The following PSD3 variants were observed in gnomAD, a reference collection of about 807,000 sequenced individuals.
The protein encoded by PSD3 is pleckstrin and Sec7 domain containing 3.
Under a neutral mutation model 105.5 loss-of-function variants are expected in PSD3, and 49 were observed. The observed-to-expected ratio is 0.46, with a 90% CI of 0.37 to 0.59. The LOEUF (loss-of-function observed/expected upper bound fraction) is 0.59. Among genes scored for constraint, PSD3 ranks in the 20% least tolerant of loss-of-function variants. The probability of loss-of-function intolerance (pLI) is 0.00; values close to 1 mark genes in which losing one functional copy is unlikely to be tolerated. For missense variants in PSD3, 1,561 were observed against 1,263.8 expected, an observed-to-expected ratio of 1.24 and a Z score of -3.57; for synonymous variants, 557 against 457.8, an observed-to-expected ratio of 1.22 and a Z score of -2.77.
At position 18,804,853 on chromosome 8, in the gene PSD3, C is replaced by G. The variant is rs1811060101; in HGVS notation, c.1680G>C (p.Met560Ile). The G allele has an allele frequency of 6.2e-7, 1 of 1,613,072 alleles. No homozygotes were observed. The highest frequency in any genetic ancestry group is 8.5e-7 in the Non-Finnish European group (1 of 1,179,176). Residue 560 changes from methionine (M) to isoleucine (I), a missense_variant, in exon 5 of 16, where the codon ATG becomes ATC. By Grantham distance (10) the Met-to-Ile change is conservative. Transcript: ENST00000327040. ...CCTTTTCCAAAATTTCAGTGCTCCC[C>G]ATTTCAGAATGAGCTTCTAGCCGTG... ...KTTRLEAHSE[M>I]GSTEILEKET... is the part of the protein sequence containing the mutation.
chr8:18,555,232 A>G (rs17517680), intron 15 of PSD3, among the ~76,000 whole-genome samples: 20,372 of 152,078 alleles, frequency 0.13, 1,484 homozygotes, highest in South Asian at 0.28. Context: ...ATAAAGCAAT[A>G]CAAGGAAGGG....
At chr8:18,592,482 G>C (rs1347636357) in intron 12 of PSD3, among the ~76,000 whole-genome samples, 5 of 152,146 alleles carry the variant, frequency 3.3e-5, no homozygotes, top group African/African-American at 4.8e-5. Flanking sequence ...TCTGAGGAAG[G>C]AAACAGACAT....
At chr8:18,797,531 G>A (rs1810296335) in intron 8 of PSD3, among the ~76,000 whole-genome samples, 1 of 152,164 alleles carries the variant, frequency 6.6e-6, no homozygotes, top group Non-Finnish European at 1.5e-5. Context: ...TGTAGCTACT[G>A]AAACCTGGGT....
intron 8 of PSD3, among the ~76,000 whole-genome samples, chr8:18,779,398 A>C (rs2129445122): frequency 6.6e-6 from 1 of 151,426 alleles, no homozygotes; most frequent in South Asian, 2.1e-4. Context: ...AAAAAAACCC[A>C]ACTCTTCATT....
At chr8:18,774,629 C>T (rs1243879952) in intron 8 of PSD3, 1 of 383,914 alleles carries the variant, frequency 2.6e-6, no homozygotes, top group Admixed American at 3.2e-5. Context: ...TCTCCCTATG[C>T]TTGTTCAGCC....
At position 18,529,050 on chromosome 8, in the gene PSD3, T is replaced by C. The variant is rs113240339; in HGVS notation, c.*6693A>G. On this transcript the variant is annotated 3_prime_UTR_variant, in exon 16 of 16. Transcript: ENST00000327040. ...GGAAGTGCCTCCTTGTTTCTTCACT[T>C]GTACTCCTCTCTCAAAGGAATGATC... 1 of 152,178 alleles carries C rather than the reference T, an allele frequency of 6.6e-6. No homozygotes were observed. The highest frequency in any genetic ancestry group is 2.4e-5 in the African/African-American group (1 of 41,430). 9.4% of individuals were successfully genotyped at this position (152,178 alleles called of 1,614,324 possible). A position where few individuals can be genotyped will look rare whatever the true frequency, so the allele number is the denominator to read the frequency against.
intron 1 of PSD3, among the ~76,000 whole-genome samples, chr8:19,079,912 CAG>C (rs1563549852): frequency 1.5e-5 from 2 of 130,688 alleles, no homozygotes; most frequent in Non-Finnish European, 3.2e-5. Flanking sequence ...TTTTTTGAGA[CAG>C]AGTCTAGCTC....
At chr8:18,676,263 T>C (rs1800057488) in intron 9 of PSD3, among the ~76,000 whole-genome samples, 1 of 152,058 alleles carries the variant, frequency 6.6e-6, no homozygotes, top group African/African-American at 2.4e-5. Flanking sequence ...CAGTACACCT[T>C]CCCCAAAAGA....
At chr8:18,726,490 A>T (rs983195707) in intron 9 of PSD3, among the ~76,000 whole-genome samples, 1 of 152,206 alleles carries the variant, frequency 6.6e-6, no homozygotes, top group Admixed American at 6.5e-5. Context: ...ATTATATCAA[A>T]CCCTAAATAT....
chr8:18,826,003 G>C (rs988638540), intron 4 of PSD3, among the ~76,000 whole-genome samples: 11 of 152,164 alleles, frequency 7.2e-5, no homozygotes, highest in African/African-American at 2.7e-4. Context: ...TTTGAGTGGT[G>C]GACTGAGTAA....
chr8:19,081,434 A>T (rs565139819), intron 1 of PSD3, among the ~76,000 whole-genome samples: 40 of 152,304 alleles, frequency 2.6e-4, no homozygotes, highest in African/African-American at 9.6e-4. Context: ...AGAGCCCTGG[A>T]CTGGGGGTAG....
At chr8:18,744,137 C>T (rs1804801128) in intron 9 of PSD3, among the ~76,000 whole-genome samples, 1 of 152,126 alleles carries the variant, frequency 6.6e-6, no homozygotes, top group African/African-American at 2.4e-5. Flanking sequence ...ACCATCAATT[C>T]CTTGAAAATA....
intron 1 of PSD3, chr8:19,001,032 C>T (rs908947445): frequency 6.6e-6 from 1 of 151,856 alleles, no homozygotes; most frequent in African/African-American, 2.4e-5. Context: ...TAAGCGCACA[C>T]ATTCTCTGAG....
intron 1 of PSD3, among the ~76,000 whole-genome samples, chr8:18,955,756 T>TTTTATTTATTTATTTATTTA (rs150325859): frequency 3.3e-5 from 5 of 149,628 alleles, no homozygotes; most frequent in African/African-American, 1.2e-4. Flanking sequence ...TCTTAGCATA[T>TTTTATTTATTTATTTATTTA]TTTATTTATT....
intron 1 of PSD3, among the ~76,000 whole-genome samples, chr8:19,071,858 T>C (rs1829276079): frequency 6.6e-6 from 1 of 151,940 alleles, no homozygotes; most frequent in Non-Finnish European, 1.5e-5. Flanking sequence ...TACAGGCACC[T>C]GCCACCACAC....
chr8:18,697,918 T>C (rs888647025), intron 9 of PSD3, among the ~76,000 whole-genome samples: 4 of 152,206 alleles, frequency 2.6e-5, no homozygotes, highest in African/African-American at 9.6e-5. Flanking sequence ...AATTTATCTA[T>C]TGTGGAAAGA....
At chr8:18,909,977 C>A (rs1820096228) in intron 2 of PSD3, among the ~76,000 whole-genome samples, 1 of 152,052 alleles carries the variant, frequency 6.6e-6, no homozygotes, top group Admixed American at 6.5e-5. Flanking sequence ...AGGCTGGTGC[C>A]CAATTATAAC....
At chr8:18,840,620 G>A (rs1272494836) in intron 4 of PSD3, among the ~76,000 whole-genome samples, 1 of 152,188 alleles carries the variant, frequency 6.6e-6, no homozygotes, top group Non-Finnish European at 1.5e-5. Flanking sequence ...TGGCAGATGA[G>A]GAAAACAAAG....
intron 2 of PSD3, among the ~76,000 whole-genome samples, chr8:18,901,200 C>G (rs1819480007): frequency 6.6e-6 from 1 of 152,116 alleles, no homozygotes; most frequent in Non-Finnish European, 1.5e-5. Flanking sequence ...CATGGTTTGT[C>G]TGCAAGTTTT....
Sources: allele counts gnomAD v4.1 joint callset (sites outside exome capture counted in the v4.1 genomes callset), GRCh38; gene constraint gnomAD v4.1.1; transcripts MANE v1.5; gene names NCBI Gene and HGNC (gene_info 2026-07-23, HGNC 2026-07-21).